The following FRMD4A variants were observed in gnomAD, a reference collection of about 807,000 sequenced individuals.
The protein encoded by FRMD4A is FERM domain-containing protein 4A.
In FRMD4A, 29 loss-of-function variants were observed where a neutral mutation model predicts 129.1. The ratio of observed to expected loss-of-function variants is 0.22; its 90% confidence interval spans 0.17 to 0.31. The LOEUF is 0.31. FRMD4A is among the 10% of genes least tolerant of loss of function. The pLI is 1.00. For missense variants in FRMD4A, 1,272 were observed against 1,375.8 expected (o/e 0.92, Z 1.19); for synonymous variants, 634 against 571.6 (o/e 1.11, Z -1.56).
At chr10:13,650,547 T>C (rs1376482403) in intron 24 of FRMD4A, among the ~76,000 whole-genome samples, 1 of 152,206 alleles carries the variant, frequency 6.6e-6, no homozygotes, top group African/African-American at 2.4e-5. Context: ...TAGCAGATGA[T>C]CGCCCTCCCA....
chr10:13,803,983 T>C (rs2093311786), intron 4 of FRMD4A, among the ~76,000 whole-genome samples: 1 of 152,208 alleles, frequency 6.6e-6, no homozygotes, highest in Non-Finnish European at 1.5e-5. Flanking sequence ...ATCCCTAAGC[T>C]TTCCTTGGAG....
chr10:13,869,505 C>A (rs1281808257), intron 2 of FRMD4A, among the ~76,000 whole-genome samples: 1 of 152,238 alleles, frequency 6.6e-6, no homozygotes, highest in Admixed American at 6.5e-5. Flanking sequence ...GCCTGGCAGC[C>A]AACGCTCTGA....
intron 2 of FRMD4A, among the ~76,000 whole-genome samples, chr10:13,883,970 C>T (rs962801986): frequency 1.3e-5 from 2 of 152,082 alleles, no homozygotes; most frequent in African/African-American, 4.8e-5. Flanking sequence ...CTTTATTTAA[C>T]ATTTAGAAGG....
At chr10:13,745,981 G>T (rs1232386798) in intron 9 of FRMD4A, among the ~76,000 whole-genome samples, 1 of 152,220 alleles carries the variant, frequency 6.6e-6, no homozygotes, top group Admixed American at 6.5e-5. Flanking sequence ...GCTGATGCAT[G>T]CAAAATCCCT....
In FRMD4A at chr10:13,688,825, C is replaced by G. The variant is rs566298727; in HGVS notation, c.1117+5073G>C. ...GCCTCCTAGCTAGGCTCAAGTAACT[C>G]TCCTGCCTCAGCCTCCCAAGTATCT... On this transcript the variant is annotated intron_variant, in intron 15 of 24. Transcript: ENST00000357447. Among the ~76,000 whole-genome samples the G allele has an allele frequency of 1.1e-4, 16 of 152,250 alleles. 1 individual carries two copies. In the South Asian group the frequency reaches 3.3e-3, roughly 32 times the overall value.
At chr10:14,267,961 T>G (rs1422190713) in intron 2 of FRMD4A, among the ~76,000 whole-genome samples, 1 of 152,188 alleles carries the variant, frequency 6.6e-6, no homozygotes, top group Non-Finnish European at 1.5e-5. Context: ...CTAGCTTTGG[T>G]GTAGTCATTC....
intron 4 of FRMD4A, among the ~76,000 whole-genome samples, chr10:13,806,426 A>G (rs973836411): frequency 6.6e-6 from 1 of 152,208 alleles, no homozygotes; most frequent in Non-Finnish European, 1.5e-5. Flanking sequence ...CTATTTGTAC[A>G]CCTGGAAACA....
chr10:14,235,287 C>CTACGGG, intron 2 of FRMD4A, among the ~76,000 whole-genome samples: 1 of 106,664 alleles, frequency 9.4e-6, no homozygotes, highest in South Asian at 3.0e-4. Context: ...GCAGCTGAGT[C>CTACGGG]CCTGGTGCCC....
intron 12 of FRMD4A, among the ~76,000 whole-genome samples, chr10:13,717,155 CTAAT>C (rs1239418040): frequency 6.6e-6 from 1 of 152,158 alleles, no homozygotes; most frequent in Non-Finnish European, 1.5e-5. Context: ...AAAGCCAAGG[CTAAT>C]TCTACCTGCT....
intron 14 of FRMD4A, among the ~76,000 whole-genome samples, chr10:13,694,404 C>T (rs540546758): frequency 2.0e-5 from 3 of 152,288 alleles, no homozygotes; most frequent in South Asian, 4.1e-4. Flanking sequence ...GGGGTTGGTT[C>T]GGGTCAAAGG....
rs1234707940 is a variant in FRMD4A, at chr10:13,657,404, C to T, written c.2185G>A (p.Asp729Asn). 6.2e-6 allele frequency: 10 copies of T among 1,612,792 alleles called. No individual in the cohort carries two copies. The highest frequency in any genetic ancestry group is 8.5e-6 in the Non-Finnish European group (10 of 1,179,868). ...CTACGAGTCCGCGGGGTGTAGAAGT[C>T]GGGGCTCCCGGTGTCGTTTTCCGAG... ...LGSENDTGSP[D>N]FYTPRTRSSN... The change falls in exon 22 of 25, where the codon GAC becomes AAC. Residue 729 changes from aspartate (D) to asparagine (N), a missense_variant. Physicochemically the swap from Asp to Asn is conservative, Grantham distance 23. Around this residue, in one of 2 missense-constraint regions of FRMD4A, gnomAD observed 972 missense variants for 892.3 expected, o/e 1.09. Coordinates refer to ENST00000357447, the MANE Select transcript of FRMD4A (RefSeq NM_018027.5).
At chr10:13,911,709 G>A (rs1361182263) in intron 2 of FRMD4A, among the ~76,000 whole-genome samples, 1 of 152,008 alleles carries the variant, frequency 6.6e-6, no homozygotes, top group African/African-American at 2.4e-5. Context: ...CTACAGGCAC[G>A]TGCCACCTCG....
chr10:14,212,250 G>A (rs1842952554), intron 2 of FRMD4A, among the ~76,000 whole-genome samples: 1 of 152,140 alleles, frequency 6.6e-6, no homozygotes, highest in Non-Finnish European at 1.5e-5. Flanking sequence ...GGGAGGAGAT[G>A]CTTTGGGAGA....
At chr10:13,923,154 G>C (rs1038811783) in intron 2 of FRMD4A, among the ~76,000 whole-genome samples, 1 of 152,152 alleles carries the variant, frequency 6.6e-6, no homozygotes, top group African/African-American at 2.4e-5. Flanking sequence ...AGGTTTTCCA[G>C]GGCAATGTTA....
chr10:13,697,718 A>G (rs981655891), intron 14 of FRMD4A, among the ~76,000 whole-genome samples: 5 of 152,086 alleles, frequency 3.3e-5, no homozygotes, highest in Non-Finnish European at 7.4e-5. Flanking sequence ...AAAATGGTGA[A>G]CTGCATCAGG....
rs543517252 is a variant in FRMD4A, at chr10:14,094,088, C to T, written c.46-235176G>A. Among the ~76,000 whole-genome samples, 9 of 152,340 alleles carry T rather than the reference C, an allele frequency of 5.9e-5. No individual in the cohort carries two copies. In the South Asian group the frequency reaches 1.7e-3, roughly 28 times the overall value. The stretch of plus-strand genomic sequence containing the variant: ...ATCAGAGCAGAACACATTAACAAAG[C>T]CCCTGCCCGGGGGAAGCTTCTGGAA... On this transcript the variant is annotated intron_variant, in intron 2 of 24. Coordinates refer to ENST00000357447, the MANE Select transcript of FRMD4A (RefSeq NM_018027.5).
chr10:13,859,943 C>T (rs538339861), intron 2 of FRMD4A, among the ~76,000 whole-genome samples: 6 of 152,278 alleles, frequency 3.9e-5, no homozygotes, highest in Non-Finnish European at 7.3e-5. Flanking sequence ...AGTTACCGTT[C>T]GTCTCCATGC....
At chr10:13,720,592 T>C (rs1280325302) in intron 12 of FRMD4A, among the ~76,000 whole-genome samples, 1 of 151,986 alleles carries the variant, frequency 6.6e-6, no homozygotes, top group Non-Finnish European at 1.5e-5. Flanking sequence ...AAGAAATAAA[T>C]AAGAAAACTA....
At chr10:14,155,654 C>A (rs997894005) in intron 2 of FRMD4A, among the ~76,000 whole-genome samples, 2 of 152,118 alleles carry the variant, frequency 1.3e-5, no homozygotes, top group Non-Finnish European at 2.9e-5. Context: ...GCATACAATG[C>A]AATGCCACTG....
Sources: allele counts gnomAD v4.1 joint callset (sites outside exome capture counted in the v4.1 genomes callset), GRCh38; gene constraint gnomAD v4.1.1; regional missense constraint gnomAD v4.1.1; transcripts MANE v1.5; gene names NCBI Gene and HGNC (gene_info 2026-07-23, HGNC 2026-07-21).